Variants in NTMT1 observed in about 807,000 individuals in gnomAD.
NTMT1 encodes the protein N-terminal Xaa-Pro-Lys N-methyltransferase 1.
In NTMT1, 8 loss-of-function variants were observed where a neutral mutation model predicts 17.5. The ratio of observed to expected loss-of-function variants is 0.46; its 90% CI spans 0.27 to 0.82. NTMT1 has a LOEUF of 0.82. Ranked by LOEUF, NTMT1 falls within the 40% of genes least tolerant of loss-of-function variation. NTMT1 has a pLI of 0.15. For missense variants in NTMT1, 221 were observed against 303.5 expected (o/e 0.73, Z 2.02); for synonymous variants, 128 against 126.8 (o/e 1.01, Z -0.06).
chr9:129,625,915 C>T (rs1036393322), upstream of NTMT1, among the ~76,000 whole-genome samples: 15 of 149,664 alleles, frequency 1.0e-4, no homozygotes, highest in Admixed American at 3.4e-4. Flanking sequence ...TGGAGGCTGA[C>T]GCAGGAGAAT....
rs1243652334 is a variant in NTMT1, at chr9:129,613,263, A to G, written c.-55+4085A>G. ...TCTTCTGGGTGGACCTGGGGGAGAC[A>G]GGACCCCATGAGCTTCCTGGACTCT... On this transcript the variant is annotated intron_variant, in intron 1 of 3. Coordinates refer to the NTMT1 transcript ENST00000372486. This position sits in a 1 kb window ranked among gnomAD's most constrained non-coding sequence, Gnocchi z 6.2. The G allele has an allele frequency of 6.3e-7, 1 of 1,595,410 alleles. No homozygotes were observed. Among genetic ancestry groups the G allele is most frequent in the Non-Finnish European group, 8.6e-7 (1 of 1,168,898 alleles).
At chr9:129,618,676 TATTTA>T (rs1830509496) in intron 1 of NTMT1, among the ~76,000 whole-genome samples, 2 of 151,372 alleles carry the variant, frequency 1.3e-5, no homozygotes, top group Non-Finnish European at 2.9e-5. Flanking sequence ...TTTTATTTTT[TATTTA>T]TTTTATTTTA....
At chr9:129,631,707 C>G (rs945262438) in intron 1 of NTMT1, among the ~76,000 whole-genome samples, 1 of 152,236 alleles carries the variant, frequency 6.6e-6, no homozygotes, top group African/African-American at 2.4e-5. Context: ...CTGTCCTTCC[C>G]TCCAGGAGCA....
intron 1 of NTMT1, among the ~76,000 whole-genome samples, chr9:129,610,964 C>T (rs1032147726): frequency 6.6e-6 from 1 of 152,182 alleles, no homozygotes; most frequent in South Asian, 2.1e-4. Context: ...CTTCCAGTTA[C>T]CTCCAGAGTC....
rs1831359594 is a variant in NTMT1, at chr9:129,634,039, G to T, written c.163-15G>T. 6.2e-7 allele frequency: 1 copy of T among 1,612,268 alleles called. No individual in the cohort carries two copies. The highest frequency in any genetic ancestry group is 8.5e-7 in the Non-Finnish European group (1 of 1,178,872). ...ACAGGGTCCCTCTGATAGGTTATAT[G>T]CCTCTGCTTTTCAGGAAGGCCCGAA... On this transcript the variant is annotated splice_polypyrimidine_tract_variant and intron_variant, in intron 2 of 3. Transcript: ENST00000372483.
At chr9:129,617,976 G>A (rs1446324273) in intron 1 of NTMT1, among the ~76,000 whole-genome samples, 1 of 152,180 alleles carries the variant, frequency 6.6e-6, no homozygotes, top group Non-Finnish European at 1.5e-5. Context: ...GAGCCACCAT[G>A]CTTGGCCATG....
At chr9:129,624,246 T>C (rs188828251), upstream of NTMT1, among the ~76,000 whole-genome samples, 626 of 152,264 alleles carry the variant, frequency 4.1e-3, 2 homozygotes, top group Non-Finnish European at 6.9e-3. Flanking sequence ...AGCGTGGCTG[T>C]GGGGAAGGGG....
At chr9:129,625,973 C>G (rs1262205997), upstream of NTMT1, among the ~76,000 whole-genome samples, 1 of 148,560 alleles carries the variant, frequency 6.7e-6, no homozygotes, top group Non-Finnish European at 1.5e-5. Flanking sequence ...GATCGCGCCA[C>G]TGCACTCCAG....
Position 129,620,419 on chromosome 9 carries a change from C to T in NTMT1, c.-55+11241C>T. 1 of 1,252,314 alleles carries T rather than the reference C, an allele frequency of 8.0e-7. No individual in the cohort carries two copies. Among genetic ancestry groups the T allele is most frequent in the Non-Finnish European group, 1.0e-6 (1 of 998,902 alleles). The allele number at this position is 1,252,314 out of a possible 1,614,324, so 77.6% of individuals were successfully genotyped here. On this transcript the variant is annotated intron_variant, in intron 1 of 3. Coordinates refer to the NTMT1 transcript ENST00000372486. The surrounding 1 kb of genome is among the most constrained non-coding windows in gnomAD (Gnocchi z 5.8). ...ACGCGGCGCCGCCCCCCGGGATCCT[C>T]CAGTCCCCGGAGCCCCGCGCGCCCA...
Position 129,635,247 on chromosome 9 carries a change from G to C in NTMT1, c.455G>C (p.Arg152Pro). The stretch of plus-strand genomic sequence containing the variant: ...CAGCACCTGGCCGAGTTCCTGCGGC[G>C]CTGCAAGGGCAGCCTCCGCCCCAAC... ...TDQHLAEFLR[R>P]CKGSLRPNGI... The change falls in exon 4 of 4, where the codon CGC becomes CCC. Residue 152 changes from arginine to proline, a missense_variant. By Grantham distance (103) the Arg-to-Pro change is moderately radical. Coordinates refer to ENST00000372483, the MANE Select transcript of NTMT1 (RefSeq NM_014064.4). 1 of 1,612,652 alleles carries C rather than the reference G, an allele frequency of 6.2e-7. No homozygotes were observed. The highest frequency in any genetic ancestry group is 8.5e-7 in the Non-Finnish European group (1 of 1,180,000).
chr9:129,621,366 G>A (rs111867021), upstream of NTMT1, among the ~76,000 whole-genome samples: 817 of 152,226 alleles, frequency 5.4e-3, 10 homozygotes, highest in African/African-American at 0.019. Flanking sequence ...TTAAAGAGAT[G>A]GGGTCTTGCT....
intron 3 of NTMT1, 173 bp downstream of exon 3, chr9:129,634,479 C>T (rs1831397396): frequency 3.4e-6 from 2 of 595,620 alleles, no homozygotes; most frequent in Non-Finnish European, 5.3e-6. Context: ...GGGACAGGCT[C>T]GGCCTAAAAG....
chr9:129,630,352 A>T (rs925065556), intron 1 of NTMT1, among the ~76,000 whole-genome samples: 1 of 152,142 alleles, frequency 6.6e-6, no homozygotes, highest in African/African-American at 2.4e-5. Flanking sequence ...ATGTGCCTGC[A>T]GTCCCAGCTA....
At chr9:129,625,157 C>T (rs1830848546), upstream of NTMT1, among the ~76,000 whole-genome samples, 1 of 152,068 alleles carries the variant, frequency 6.6e-6, no homozygotes, top group Non-Finnish European at 1.5e-5. Context: ...CAGGCTCTAC[C>T]CACCTGCAAG....
Position 129,613,652 on chromosome 9 carries a change from C to T in NTMT1, c.-55+4474C>T. The T allele has an allele frequency of 1.2e-6, 2 of 1,603,912 alleles. No individual in the cohort carries two copies. Among genetic ancestry groups the T allele is most frequent in the African/African-American group, 1.3e-5 (1 of 74,820 alleles). On this transcript the variant is annotated intron_variant, in intron 1 of 3. Transcript: ENST00000372486. The surrounding 1 kb of genome is among the most constrained non-coding windows in gnomAD (Gnocchi z 6.2). ...TGCCCAGGAGGAGGGCACTGGTGCC[C>T]CCACCCTCTTTTCCTCCCTCTGGCA... is the stretch of plus-strand genomic sequence containing the variant.
chr9:129,630,611 C>T (rs756977911), intron 1 of NTMT1, among the ~76,000 whole-genome samples: 3 of 152,172 alleles, frequency 2.0e-5, no homozygotes, highest in Non-Finnish European at 2.9e-5. Flanking sequence ...TGTTTGAGGA[C>T]TGTACCCGAG....
chr9:129,635,612 T>G lies in NTMT1; in HGVS notation c.*148T>G, dbSNP rs1831507862. 2 of 1,043,888 alleles carry G rather than the reference T, an allele frequency of 1.9e-6. No individual in the cohort carries two copies. Among genetic ancestry groups the G allele is most frequent in the Non-Finnish European group, 2.8e-6 (2 of 720,010 alleles). 64.7% of individuals were successfully genotyped at this position (1,043,888 alleles called of 1,614,324 possible). Reference sequence around the variant, plus strand: ...TGCCGTCCACTCATTATGCGGGCTCTTCTTCAAAAGGCAAGGTGGGACCCG... The same window carrying G: ...TGCCGTCCACTCATTATGCGGGCTCGTCTTCAAAAGGCAAGGTGGGACCCG... On this transcript the variant is annotated 3_prime_UTR_variant, in exon 4 of 4. Coordinates refer to ENST00000372483, the MANE Select transcript of NTMT1 (RefSeq NM_014064.4).
At chr9:129,616,126 G>C (rs1372584933) in intron 1 of NTMT1, among the ~76,000 whole-genome samples, 1 of 152,194 alleles carries the variant, frequency 6.6e-6, no homozygotes, top group Non-Finnish European at 1.5e-5. Flanking sequence ...CCACCCTACA[G>C]GGTTGTGAAG....
At chr9:129,624,803 T>G (rs1165587550), upstream of NTMT1, among the ~76,000 whole-genome samples, 2 of 152,174 alleles carry the variant, frequency 1.3e-5, no homozygotes, top group African/African-American at 2.4e-5. Flanking sequence ...TAATTTTGTA[T>G]TTTTAGTAGA....
Sources: allele counts gnomAD v4.1 joint callset (sites outside exome capture counted in the v4.1 genomes callset), GRCh38; gene constraint gnomAD v4.1.1; non-coding constraint Gnocchi (gnomAD v3.1); transcripts MANE v1.5; gene names NCBI Gene and HGNC (gene_info 2026-07-23, HGNC 2026-07-21).